Variants in ZBTB7C observed in about 807,000 individuals in gnomAD.
The protein encoded by ZBTB7C is zinc finger and BTB domain containing 7C.
Under a neutral mutation model 25.7 loss-of-function variants are expected in ZBTB7C, and 8 were observed. The observed-to-expected ratio is 0.31, with a 90% CI of 0.18 to 0.56. The LOEUF is 0.56. Ranked by LOEUF, ZBTB7C falls within the 20% of genes least tolerant of loss-of-function variation. The pLI, the probability that ZBTB7C is intolerant of heterozygous loss-of-function variation, is 0.91. For missense variants in ZBTB7C, 824 were observed against 855.2 expected (o/e 0.96, Z 0.46); for synonymous variants, 394 against 369.0 (o/e 1.07, Z -0.78).
At chr18:48,072,234 C>T (rs2037569657) in intron 3 of ZBTB7C, among the ~76,000 whole-genome samples, 1 of 152,250 alleles carries the variant, frequency 6.6e-6, no homozygotes, top group African/African-American at 2.4e-5. Flanking sequence ...TGACACTCTA[C>T]TTCTCTGAAT....
chr18:48,161,907 C>T lies in ZBTB7C; in HGVS notation c.-17+24027G>A, dbSNP rs544507120. Among the ~76,000 whole-genome samples the T allele has an allele frequency of 4.0e-5, 6 of 151,638 alleles. 1 individual carries two copies. The South Asian group carries it at 1.2e-3, about 31-fold the overall frequency. On this transcript the variant is annotated intron_variant, in intron 3 of 4. Transcript: ENST00000590800. ...GGGCCTCTCCTCCGCATTCTCACATCGCTCCAGCTCGACCTCCCCACCCGC... is the reference window on the plus strand; with the variant it reads ...GGGCCTCTCCTCCGCATTCTCACATTGCTCCAGCTCGACCTCCCCACCCGC...
At chr18:48,406,206 G>A (rs1437313750) in intron 1 of ZBTB7C, among the ~76,000 whole-genome samples, 1 of 152,106 alleles carries the variant, frequency 6.6e-6, no homozygotes, top group Admixed American at 6.5e-5. Context: ...CTATGAGAGG[G>A]AGGACAACTG....
intron 1 of ZBTB7C, among the ~76,000 whole-genome samples, chr18:48,383,766 G>A (rs932962789): frequency 6.6e-6 from 1 of 152,114 alleles, no homozygotes; most frequent in East Asian, 1.9e-4. Context: ...GGGTTGTGGT[G>A]CCTAGGTAAG....
intron 3 of ZBTB7C, among the ~76,000 whole-genome samples, chr18:48,146,890 C>T (rs2040512057): frequency 6.6e-6 from 1 of 152,192 alleles, no homozygotes; most frequent in Non-Finnish European, 1.5e-5. Context: ...CAAACACACT[C>T]TCATCAGATT....
rs910698929 is a variant in ZBTB7C, at chr18:48,027,734, G to A, written c.*1526C>T. 10 of 152,216 alleles carry A rather than the reference G, an allele frequency of 6.6e-5. No homozygotes were observed. The highest frequency in any genetic ancestry group is 2.2e-4 in the African/African-American group (9 of 41,440). 9.4% of individuals were successfully genotyped at this position (152,216 alleles called of 1,614,324 possible). Reference sequence around the variant, plus strand: ...CTTTGTGCCCATAGCACAGGGATTGGGGACTCCAGCCCTGGGCTCTCCCTG... The same window carrying A: ...CTTTGTGCCCATAGCACAGGGATTGAGGACTCCAGCCCTGGGCTCTCCCTG... On this transcript the variant is annotated 3_prime_UTR_variant, in exon 5 of 5. Coordinates refer to ENST00000590800, the MANE Select transcript of ZBTB7C (RefSeq NM_001318841.2).
At chr18:48,256,246 A>G (rs1226553384) in intron 2 of ZBTB7C, among the ~76,000 whole-genome samples, 1 of 152,136 alleles carries the variant, frequency 6.6e-6, no homozygotes, top group Non-Finnish European at 1.5e-5. Flanking sequence ...AATAATAAAG[A>G]CAAAATCTTA....
chr18:48,114,288 G>A (rs2039347642), intron 3 of ZBTB7C, among the ~76,000 whole-genome samples: 1 of 152,152 alleles, frequency 6.6e-6, no homozygotes, highest in African/African-American at 2.4e-5. Context: ...TCTCGGACAT[G>A]AGCTCCAGGA....
chr18:48,323,025 A>G (rs1460869497), intron 2 of ZBTB7C, among the ~76,000 whole-genome samples: 1 of 152,186 alleles, frequency 6.6e-6, no homozygotes, highest in Non-Finnish European at 1.5e-5. Flanking sequence ...AGAATAATAC[A>G]ATGGACGTTG....
At chr18:48,098,737 A>C (rs2038728362) in intron 3 of ZBTB7C, among the ~76,000 whole-genome samples, 1 of 152,234 alleles carries the variant, frequency 6.6e-6, no homozygotes, top group South Asian at 2.1e-4. Context: ...GGATTGGCTC[A>C]GGGATGGACA....
chr18:48,242,240 G>T (rs1458118996), intron 2 of ZBTB7C, among the ~76,000 whole-genome samples: 4 of 152,106 alleles, frequency 2.6e-5, no homozygotes, highest in Admixed American at 6.5e-5. Flanking sequence ...GGACAAGATG[G>T]ATTCACAGCT....
At chr18:48,187,385 G>A (rs192076957) in intron 2 of ZBTB7C, among the ~76,000 whole-genome samples, 1 of 152,158 alleles carries the variant, frequency 6.6e-6, no homozygotes, top group Admixed American at 6.5e-5. Flanking sequence ...TAAAGTGGAA[G>A]GAAATTCGGA....
At chr18:48,300,572 G>C (rs2045518989) in intron 2 of ZBTB7C, among the ~76,000 whole-genome samples, 1 of 152,142 alleles carries the variant, frequency 6.6e-6, no homozygotes, top group African/African-American at 2.4e-5. Context: ...AAGCAGGGAG[G>C]CTCCCTAGAA....
chr18:48,197,137 C>A (rs566311191), intron 2 of ZBTB7C, among the ~76,000 whole-genome samples: 2 of 152,174 alleles, frequency 1.3e-5, no homozygotes, highest in African/African-American at 4.8e-5. Flanking sequence ...GCATGCAAGG[C>A]CTGGAGCTGC....
chr18:48,106,297 T>C (rs2039023895), intron 3 of ZBTB7C, among the ~76,000 whole-genome samples: 1 of 151,818 alleles, frequency 6.6e-6, no homozygotes, highest in African/African-American at 2.4e-5. Flanking sequence ...TAGTATAGAC[T>C]TAATGTTTGC....
intron 3 of ZBTB7C, chr18:48,180,506 T>A: frequency 2.7e-6 from 1 of 368,864 alleles, no homozygotes; most frequent in Non-Finnish European, 5.4e-6. Context: ...GAAGCAGGCA[T>A]GGGTGGTGTT....
At chr18:48,344,284 G>A (rs562592023) in intron 1 of ZBTB7C, among the ~76,000 whole-genome samples, 8 of 152,306 alleles carry the variant, frequency 5.3e-5, no homozygotes, top group Admixed American at 1.3e-4. Context: ...ACACGTGGCC[G>A]GGAAGTGTGT....
intron 3 of ZBTB7C, chr18:48,165,264 G>C (rs2144981494): frequency 2.0e-6 from 1 of 511,164 alleles, no homozygotes; most frequent in Non-Finnish European, 3.6e-6. Flanking sequence ...CTGTCTGGGA[G>C]AAATGTTACT....
intron 3 of ZBTB7C, among the ~76,000 whole-genome samples, chr18:48,043,601 A>T (rs187638894): frequency 6.6e-6 from 1 of 152,248 alleles, no homozygotes; most frequent in Admixed American, 6.5e-5. Flanking sequence ...GTGGGAGGGA[A>T]GTGGGTGTGG....
At chr18:48,407,245 T>C (rs1273052261) in intron 1 of ZBTB7C, among the ~76,000 whole-genome samples, 1 of 152,234 alleles carries the variant, frequency 6.6e-6, no homozygotes, top group Non-Finnish European at 1.5e-5. Context: ...AACAGAGTTC[T>C]GGCATCCTAT....
Sources: allele counts gnomAD v4.1 joint callset (sites outside exome capture counted in the v4.1 genomes callset), GRCh38; gene constraint gnomAD v4.1.1; transcripts MANE v1.5; gene names NCBI Gene and HGNC (gene_info 2026-07-23, HGNC 2026-07-21).